Variants in PLCB1 observed in about 807,000 individuals in gnomAD.
The protein encoded by PLCB1 is phospholipase C beta 1, also known as 1-phosphatidylinositol 4,5-bisphosphate phosphodiesterase beta-1.
PLCB1 carries 46 observed loss-of-function variants against 161.8 expected under a neutral mutation model. The ratio of observed to expected loss-of-function variants is 0.28; its 90% CI spans 0.22 to 0.36. PLCB1 has a LOEUF of 0.36. PLCB1 is among the 10% of genes least tolerant of loss of function. The probability of loss-of-function intolerance (pLI) is 1.00; values close to 1 mark genes in which losing one functional copy is unlikely to be tolerated. For synonymous variants in PLCB1, 517 were observed against 503.7 expected (o/e 1.03, Z -0.35); for missense variants, 1,016 against 1,472.5 (o/e 0.69, Z 5.07).
chr20:8,227,342 G>T (rs1372578973), intron 2 of PLCB1, among the ~76,000 whole-genome samples: 1 of 152,156 alleles, frequency 6.6e-6, no homozygotes, highest in African/African-American at 2.4e-5. Context: ...TTAACTCCAG[G>T]TGCTTGTTTC....
At chr20:8,518,440 T>G (rs755051268) in intron 3 of PLCB1, among the ~76,000 whole-genome samples, 10 of 152,070 alleles carry the variant, frequency 6.6e-5, no homozygotes, top group Admixed American at 2.6e-4. Context: ...AAAACCCTAC[T>G]GGGGAGAAAA....
chr20:8,793,137 T>C (rs1983847300), intron 31 of PLCB1, among the ~76,000 whole-genome samples: 1 of 152,134 alleles, frequency 6.6e-6, no homozygotes, highest in South Asian at 2.1e-4. Context: ...GAAATGAAAC[T>C]GATCAATAGT....
intron 3 of PLCB1, among the ~76,000 whole-genome samples, chr20:8,470,854 T>G (rs1348157832): frequency 6.6e-6 from 1 of 152,214 alleles, no homozygotes; most frequent in Non-Finnish European, 1.5e-5. Flanking sequence ...TTTTGTGCTC[T>G]TCTTTGTTTT....
intron 3 of PLCB1, among the ~76,000 whole-genome samples, chr20:8,567,972 G>A (rs1986393286): frequency 6.6e-6 from 1 of 152,188 alleles, no homozygotes; most frequent in Non-Finnish European, 1.5e-5. Flanking sequence ...GAAATCTGAA[G>A]AAGTCAGAAG....
At chr20:8,439,942 C>T (rs1980480420) in intron 3 of PLCB1, among the ~76,000 whole-genome samples, 1 of 152,028 alleles carries the variant, frequency 6.6e-6, no homozygotes, top group African/African-American at 2.4e-5. Flanking sequence ...TTAATCATAT[C>T]TTAGGATTTG....
At chr20:8,672,200 G>T (rs557023332) in intron 9 of PLCB1, among the ~76,000 whole-genome samples, 1 of 152,242 alleles carries the variant, frequency 6.6e-6, no homozygotes, top group African/African-American at 2.4e-5. Flanking sequence ...CCTTGAGCAA[G>T]CTACTTGCCT....
At chr20:8,256,410 C>G (rs6077339) in intron 2 of PLCB1, among the ~76,000 whole-genome samples, 48,068 of 151,842 alleles carry the variant, frequency 0.32, 7,782 homozygotes, top group East Asian at 0.44. Context: ...TACCCTGGTC[C>G]TCTCTAATCC....
chr20:8,384,945 C>T (rs367693012), intron 3 of PLCB1, among the ~76,000 whole-genome samples: 1 of 152,164 alleles, frequency 6.6e-6, no homozygotes, highest in Non-Finnish European at 1.5e-5. Context: ...CAACCTGATG[C>T]GAGTAGGATC....
At chr20:8,311,708 T>C (rs1181252735) in intron 2 of PLCB1, among the ~76,000 whole-genome samples, 1 of 152,196 alleles carries the variant, frequency 6.6e-6, no homozygotes, top group African/African-American at 2.4e-5. Context: ...TCTTTTGCCC[T>C]TACCAGTACT....
At chr20:8,701,129 T>G (rs1990693582) in intron 11 of PLCB1, among the ~76,000 whole-genome samples, 2 of 152,206 alleles carry the variant, frequency 1.3e-5, no homozygotes, top group African/African-American at 4.8e-5. Flanking sequence ...GCTTGCATGA[T>G]TATCAGCATG....
chr20:8,440,720 G>A (rs901475821), intron 3 of PLCB1, among the ~76,000 whole-genome samples: 2 of 152,040 alleles, frequency 1.3e-5, no homozygotes, highest in African/African-American at 4.8e-5. Flanking sequence ...ATAAATTCTA[G>A]TATTGTATAG....
intron 2 of PLCB1, among the ~76,000 whole-genome samples, chr20:8,298,869 G>A (rs1983758844): frequency 6.6e-6 from 1 of 152,122 alleles, no homozygotes; most frequent in South Asian, 2.1e-4. Flanking sequence ...TGGGGCATGT[G>A]TTATGCTAAT....
intron 2 of PLCB1, among the ~76,000 whole-genome samples, chr20:8,208,057 G>T (rs1482762421): frequency 1.3e-5 from 2 of 152,162 alleles, no homozygotes; most frequent in Non-Finnish European, 2.9e-5. Flanking sequence ...TTAGTGCACT[G>T]GAAGGCATTT....
At chr20:8,472,404 G>C (rs778721266) in intron 3 of PLCB1, among the ~76,000 whole-genome samples, 9 of 152,128 alleles carry the variant, frequency 5.9e-5, no homozygotes, top group Non-Finnish European at 1.3e-4. Flanking sequence ...TAATTTTACT[G>C]TGAAGTAGAA....
At chr20:8,842,701 G>C (rs1422131738) in intron 31 of PLCB1, among the ~76,000 whole-genome samples, 2 of 152,174 alleles carry the variant, frequency 1.3e-5, no homozygotes, top group Admixed American at 6.5e-5. Context: ...GGTCATGATT[G>C]ATTGAGCAAG....
rs1988087742 is a variant in PLCB1 at position 8,883,977 on chromosome 20, C to T, written c.*2128C>T. Reference sequence around the variant, plus strand: ...AATGAACTAATAATAGCATTCATAACCAAACACAATGATGATTATTGCAGA... The same window carrying T: ...AATGAACTAATAATAGCATTCATAATCAAACACAATGATGATTATTGCAGA... On this transcript the variant is annotated 3_prime_UTR_variant, in exon 32 of 32. Coordinates refer to ENST00000338037, the MANE Select transcript of PLCB1 (RefSeq NM_015192.4). 1 of 152,356 alleles carries T rather than the reference C, an allele frequency of 6.6e-6. No homozygotes were observed. Among genetic ancestry groups the T allele is most frequent in the South Asian group, 2.1e-4 (1 of 4,826 alleles). The allele number at this position is 152,356 out of a possible 1,614,324, so 9.4% of individuals were successfully genotyped here. A position where few individuals can be genotyped will look rare whatever the true frequency, so the allele number is the denominator to read the frequency against.
intron 12 of PLCB1, among the ~76,000 whole-genome samples, chr20:8,713,959 A>C (rs1249879966): frequency 6.6e-6 from 1 of 152,074 alleles, no homozygotes; most frequent in Non-Finnish European, 1.5e-5. Context: ...TAATGGAAAG[A>C]ATATGGTTCC....
chr20:8,654,014 AATT>A (rs1035389008), intron 7 of PLCB1, among the ~76,000 whole-genome samples: 68 of 152,188 alleles, frequency 4.5e-4, no homozygotes, highest in African/African-American at 1.6e-3. Context: ...TGTAAATGCT[AATT>A]ATTATTCTCA....
intron 2 of PLCB1, among the ~76,000 whole-genome samples, chr20:8,210,871 A>G (rs917054804): frequency 1.3e-5 from 2 of 152,102 alleles, no homozygotes; most frequent in Non-Finnish European, 2.9e-5. Flanking sequence ...TTGAATTGAG[A>G]TAGAAGAGGC....
Sources: gnomAD v4.1 joint callset for allele counts (sites outside exome capture counted in the v4.1 genomes callset) on GRCh38, gnomAD v4.1.1 for gene constraint, MANE v1.5 for transcripts, NCBI Gene and HGNC (gene_info 2026-07-23, HGNC 2026-07-21) for gene names.